MME: variants seen among roughly 807,000 people sequenced by gnomAD.
MME encodes neprilysin.
Under a neutral mutation model 113.2 loss-of-function variants are expected in MME, and 98 were observed. That is an observed-to-expected ratio of 0.87 (90% confidence interval 0.74 to 1.02). The LOEUF is 1.02. MME is among the 50% of genes least tolerant of loss of function. The probability of loss-of-function intolerance (pLI) is 0.00; values close to 1 mark genes in which losing one functional copy is unlikely to be tolerated. For missense variants in MME, 836 were observed against 896.0 expected (o/e 0.93, Z 0.86); for synonymous variants, 292 against 300.6 (o/e 0.97, Z 0.30).
chr3:155,169,011 G>C (rs1383002444), intron 20 of MME: 4 of 516,420 alleles, frequency 7.7e-6, no homozygotes, highest in Non-Finnish European at 1.4e-5. Flanking sequence ...AGTTTGCAAA[G>C]AGCCAAGAAG....
At chr3:155,083,411 T>C (rs1247219819) in intron 1 of MME, 4 of 152,304 alleles carry the variant, frequency 2.6e-5, no homozygotes, top group Non-Finnish European at 5.9e-5. Flanking sequence ...GGACTACAAG[T>C]ATCAACTTGG....
intron 7 of MME, among the ~76,000 whole-genome samples, chr3:155,117,807 G>C (rs141290196): frequency 6.6e-6 from 1 of 152,092 alleles, no homozygotes; most frequent in Admixed American, 6.5e-5. Context: ...GGACCAGGGG[G>C]TGGGGAAGGA....
chr3:155,042,783 T>A (rs1360986580), intron 1 of MME, among the ~76,000 whole-genome samples: 1 of 151,012 alleles, frequency 6.6e-6, no homozygotes, highest in Non-Finnish European at 1.5e-5. Flanking sequence ...TTTGACCCTT[T>A]ACATTTCTTT....
At chr3:155,033,236 T>C (rs1226018736) in intron 1 of MME, among the ~76,000 whole-genome samples, 1 of 152,190 alleles carries the variant, frequency 6.6e-6, no homozygotes, top group Non-Finnish European at 1.5e-5. Flanking sequence ...ACTTCCTCTT[T>C]GGCACCATAA....
At chr3:155,178,021 G>A (rs532261553) in intron 22 of MME, among the ~76,000 whole-genome samples, 38 of 152,246 alleles carry the variant, frequency 2.5e-4, no homozygotes, top group Middle Eastern at 3.4e-3. Context: ...CACACGCCAT[G>A]CTATCAGAGG....
chr3:155,109,134 T>G (rs2108235878), intron 3 of MME, among the ~76,000 whole-genome samples: 1 of 152,328 alleles, frequency 6.6e-6, no homozygotes, highest in South Asian at 2.1e-4. Flanking sequence ...TGATTTTGAA[T>G]ATAGTATAGT....
chr3:155,107,082 G>C (rs61763225), intron 3 of MME, among the ~76,000 whole-genome samples: 1 of 152,210 alleles, frequency 6.6e-6, no homozygotes, highest in Non-Finnish European at 1.5e-5. Flanking sequence ...GGGACCGGGC[G>C]TGGTGGCTCA....
chr3:155,062,420 C>T (rs1205553487), intron 1 of MME, among the ~76,000 whole-genome samples: 1 of 152,132 alleles, frequency 6.6e-6, no homozygotes, highest in Non-Finnish European at 1.5e-5. Context: ...AATTCAGCTA[C>T]CAGCCTTATT....
chr3:155,118,795 C>G lies in MME; in HGVS notation c.704C>G (p.Thr235Ser). ...CCTTCTAGAGATTACTATGAATGCA[C>G]TGGAATCTATAAAGAGGTAAAAAGA... ...GLPSRDYYEC[T>S]GIYKEACTAY... The change falls in exon 8 of 23, where the codon ACT becomes AGT. Residue 235 changes from threonine (T) to serine (S), a missense_variant. Thr to Ser is a moderately conservative substitution (Grantham distance 58, BLOSUM62 1). Coordinates refer to ENST00000360490, the MANE Select transcript of MME (RefSeq NM_007289.4). 1 of 1,600,936 alleles carries G rather than the reference C, an allele frequency of 6.2e-7. No individual in the cohort carries two copies. Among genetic ancestry groups the G allele is most frequent in the South Asian group, 1.1e-5 (1 of 90,264 alleles).
At chr3:155,033,908 G>C (rs974040230) in intron 1 of MME, among the ~76,000 whole-genome samples, 1 of 151,984 alleles carries the variant, frequency 6.6e-6, no homozygotes, top group African/African-American at 2.4e-5. Flanking sequence ...TAAACTTGAG[G>C]CAATATAGAA....
intron 20 of MME, among the ~76,000 whole-genome samples, chr3:155,169,315 G>A (rs907330757): frequency 2.0e-4 from 30 of 152,144 alleles, no homozygotes; most frequent in African/African-American, 7.2e-4. Context: ...TGGCCTTGTA[G>A]TCAACCACAC....
At chr3:155,038,837 T>C (rs1384460692) in intron 1 of MME, among the ~76,000 whole-genome samples, 1 of 152,176 alleles carries the variant, frequency 6.6e-6, no homozygotes, top group Non-Finnish European at 1.5e-5. Flanking sequence ...CTTTACGGCC[T>C]CTCTTTTGAA....
intron 9 of MME, 21 bp from the exon 10 acceptor site, chr3:155,140,170 G>C: frequency 6.5e-7 from 1 of 1,528,534 alleles, no homozygotes; most frequent in Non-Finnish European, 9.0e-7. Context: ...CTAAAATAAT[G>C]ATTAAAAATT....
chr3:155,133,062 A>AAAAAAAATATATATATATAT (rs1553762419), intron 8 of MME, among the ~76,000 whole-genome samples: 2 of 75,102 alleles, frequency 2.7e-5, no homozygotes, highest in Admixed American at 1.2e-4. Flanking sequence ...AAAAAAAAAA[A>AAAAAAAATATATATATATAT]ATATATATAT....
chr3:155,039,056 A>G (rs1310870957), intron 1 of MME, among the ~76,000 whole-genome samples: 1 of 152,178 alleles, frequency 6.6e-6, no homozygotes. Flanking sequence ...TCTTATTTTA[A>G]CCACACAAAA....
intron 8 of MME, among the ~76,000 whole-genome samples, chr3:155,123,033 T>C (rs1308267649): frequency 2.3e-5 from 1 of 43,300 alleles, no homozygotes; most frequent in African/African-American, 7.9e-5. Context: ...AAGTCTCCCA[T>C]TATTAATGCG....
At chr3:155,133,253 A>G in intron 8 of MME, among the ~76,000 whole-genome samples, 1 of 151,632 alleles carries the variant, frequency 6.6e-6, no homozygotes, top group Non-Finnish European at 1.5e-5. Context: ...AAGTCAGGAA[A>G]GATAGTCATG....
At chr3:155,055,372 C>T (rs373306282) in intron 1 of MME, among the ~76,000 whole-genome samples, 13 of 152,234 alleles carry the variant, frequency 8.5e-5, no homozygotes, top group South Asian at 4.1e-4. Flanking sequence ...CCAAGGCAGA[C>T]GGATCACTTG....
rs1713218099 is a variant in MME, at chr3:155,182,747, G to A, written c.*2288G>A. On this transcript the variant is annotated 3_prime_UTR_variant, in exon 23 of 23. Coordinates refer to ENST00000360490, the MANE Select transcript of MME (RefSeq NM_007289.4). Reference sequence around the variant, plus strand: ...TAAAACATTAGGCTCCCATCCCTATGGAGGAACAACTCTCCAGTGCCTGGA... The same window carrying A: ...TAAAACATTAGGCTCCCATCCCTATAGAGGAACAACTCTCCAGTGCCTGGA... The A allele has an allele frequency of 6.6e-6, 1 of 152,190 alleles. No individual in the cohort carries two copies. 9.4% of individuals were successfully genotyped at this position (152,190 alleles called of 1,614,324 possible).
Sources: allele counts gnomAD v4.1 joint callset (sites outside exome capture counted in the v4.1 genomes callset), GRCh38; gene constraint gnomAD v4.1.1; transcripts MANE v1.5; gene names NCBI Gene and HGNC (gene_info 2026-07-23, HGNC 2026-07-21).